The following RNF216 variants were observed in gnomAD, a reference collection of about 807,000 sequenced individuals.
RNF216 encodes the protein E3 ubiquitin-protein ligase RNF216.
RNF216 carries 72 observed loss-of-function variants against 110.8 expected under a neutral mutation model. The ratio of observed to expected loss-of-function variants is 0.65; its 90% CI spans 0.54 to 0.79. RNF216 has a LOEUF of 0.79. RNF216 is among the 30% of genes least tolerant of loss of function. The probability of loss-of-function intolerance (pLI) is 0.00; values close to 1 mark genes in which losing one functional copy is unlikely to be tolerated. For synonymous variants in RNF216, 495 were observed against 407.5 expected (o/e 1.21, Z -2.59); for missense variants, 1,342 against 1,141.2 (o/e 1.18, Z -2.54).
chr7:5,686,460 G>A (rs1790993240), intron 13 of RNF216, among the ~76,000 whole-genome samples: 2 of 152,102 alleles, frequency 1.3e-5, no homozygotes, highest in African/African-American at 2.4e-5. Flanking sequence ...ACACAGTGGT[G>A]GCTTAAGAGT....
intron 12 of RNF216, among the ~76,000 whole-genome samples, chr7:5,712,307 T>A (rs944859804): frequency 1.6e-4 from 25 of 152,210 alleles, no homozygotes; most frequent in African/African-American, 5.5e-4. Flanking sequence ...TGGCAAAACC[T>A]CGTCTCTACT....
intron 15 of RNF216, among the ~76,000 whole-genome samples, chr7:5,632,608 C>G (rs1251564567): frequency 1.3e-5 from 2 of 152,176 alleles, no homozygotes; most frequent in African/African-American, 2.4e-5. Flanking sequence ...GAAACCCCAT[C>G]TCTACTAAAA....
chr7:5,632,594 T>C (rs145198762), intron 15 of RNF216, among the ~76,000 whole-genome samples: 6,374 of 152,200 alleles, frequency 0.042, 180 homozygotes, highest in East Asian at 0.092. Context: ...CTGGCCAACA[T>C]GGCGAAACCC....
intron 1 of RNF216, among the ~76,000 whole-genome samples, chr7:5,774,024 T>C (rs1372444680): frequency 1.3e-5 from 2 of 152,332 alleles, no homozygotes; most frequent in East Asian, 1.9e-4. Flanking sequence ...AAATTCCTCA[T>C]GAGTGGCACA....
At chr7:5,715,733 A>G (rs1793010810) in intron 10 of RNF216, among the ~76,000 whole-genome samples, 1 of 104,478 alleles carries the variant, frequency 9.6e-6, no homozygotes, top group African/African-American at 3.2e-5. Flanking sequence ...TCACCAACTC[A>G]TTCTTTTTTT....
intron 9 of RNF216, among the ~76,000 whole-genome samples, chr7:5,720,331 C>T (rs1293349365): frequency 6.6e-6 from 1 of 152,226 alleles, no homozygotes; most frequent in Non-Finnish European, 1.5e-5. Flanking sequence ...CTGATCCACA[C>T]TTCCATTTAA....
chr7:5,629,840 A>G (rs1333141064), intron 15 of RNF216, among the ~76,000 whole-genome samples: 3 of 150,970 alleles, frequency 2.0e-5, no homozygotes, highest in Non-Finnish European at 4.4e-5. Flanking sequence ...AAAAAAAAAA[A>G]AAAAAAAAAG....
At chr7:5,689,934 CAA>C (rs1355642051) in intron 13 of RNF216, among the ~76,000 whole-genome samples, 4 of 122,412 alleles carry the variant, frequency 3.3e-5, no homozygotes, top group Non-Finnish European at 3.7e-5. Context: ...CTGTCTCAAA[CAA>C]AAAAAAAAAA....
chr7:5,739,729 A>AGT, intron 4 of RNF216: 1 of 431,948 alleles, frequency 2.3e-6, no homozygotes, highest in South Asian at 1.7e-5. Flanking sequence ...GGCCGGGTGC[A>AGT]GTGGCTCATG....
intron 13 of RNF216, among the ~76,000 whole-genome samples, chr7:5,686,187 C>G (rs1210882103): frequency 6.7e-6 from 1 of 148,166 alleles, no homozygotes; most frequent in Non-Finnish European, 1.5e-5. Flanking sequence ...CATGCTGCTG[C>G]ACTCCAGCCT....
chr7:5,656,126 G>A (rs559968106), intron 13 of RNF216, among the ~76,000 whole-genome samples: 87 of 152,168 alleles, frequency 5.7e-4, no homozygotes, highest in East Asian at 7.7e-4. Flanking sequence ...AAAATTAGCC[G>A]GGCATGGTGG....
intron 4 of RNF216, among the ~76,000 whole-genome samples, chr7:5,739,906 G>C (rs1333652504): frequency 6.6e-6 from 1 of 151,342 alleles, no homozygotes; most frequent in African/African-American, 2.4e-5. Context: ...GGGAGGCAGA[G>C]ACAGAAGAAT....
chr7:5,762,912 A>G (rs1796008888), intron 1 of RNF216, among the ~76,000 whole-genome samples: 1 of 152,186 alleles, frequency 6.6e-6, no homozygotes, highest in African/African-American at 2.4e-5. Context: ...GGGGTAGTAG[A>G]CTTGTATTTT....
At chr7:5,775,767 G>T (rs2128684776) in intron 1 of RNF216, among the ~76,000 whole-genome samples, 1 of 152,150 alleles carries the variant, frequency 6.6e-6, no homozygotes, top group East Asian at 1.9e-4. Flanking sequence ...TACTCGGGAG[G>T]CTGAGGCAGG....
Position 5,711,860 on chromosome 7 carries a change from C to A in RNF216, c.1983-21G>T, listed in dbSNP as rs375075256. The A allele has an allele frequency of 2.6e-4, 423 of 1,605,982 alleles. 4 individuals carry two copies. Among genetic ancestry groups the A allele is most frequent in the Admixed American group, 2.2e-4 (13 of 59,622 alleles). ...GGCACCTAGAGTCAGAACAGCAGAA[C>A]TGACATTACTTCAAACATTAAAGCC... On this transcript the variant is annotated intron_variant, in intron 12 of 16. Coordinates refer to ENST00000389902, the MANE Select transcript of RNF216 (RefSeq NM_207111.4).
intron 15 of RNF216, among the ~76,000 whole-genome samples, chr7:5,628,483 A>G (rs1300724422): frequency 2.0e-5 from 3 of 152,186 alleles, no homozygotes; most frequent in African/African-American, 7.2e-5. Context: ...AAAATAAAAA[A>G]ATTACGCTTT....
intron 8 of RNF216, among the ~76,000 whole-genome samples, chr7:5,722,342 T>C (rs1408333498): frequency 2.0e-5 from 3 of 151,720 alleles, no homozygotes; most frequent in Non-Finnish European, 4.4e-5. Flanking sequence ...TTTATTTTGA[T>C]TCTCCTTTTC....
chr7:5,769,905 C>T (rs1019427053), intron 1 of RNF216, among the ~76,000 whole-genome samples: 2 of 149,342 alleles, frequency 1.3e-5, no homozygotes, highest in South Asian at 2.1e-4. Context: ...GGCTTGGTGG[C>T]GAGTGCTTGT....
At chr7:5,682,215 C>A (rs750809398) in intron 13 of RNF216, among the ~76,000 whole-genome samples, 1 of 152,150 alleles carries the variant, frequency 6.6e-6, no homozygotes, top group Non-Finnish European at 1.5e-5. Flanking sequence ...CCCACACTGA[C>A]TTTTTCTCAA....
Sources: gnomAD v4.1 joint callset for allele counts (sites outside exome capture counted in the v4.1 genomes callset) on GRCh38, gnomAD v4.1.1 for gene constraint, MANE v1.5 for transcripts, NCBI Gene and HGNC (gene_info 2026-07-23, HGNC 2026-07-21) for gene names.